Variants in SEMA5A observed in about 807,000 individuals in gnomAD.
SEMA5A encodes the protein semaphorin-5A.
SEMA5A carries 55 observed loss-of-function variants against 135.5 expected under a neutral mutation model. That is an observed-to-expected ratio of 0.41 (90% CI 0.33 to 0.51). The LOEUF (loss-of-function observed/expected upper bound fraction) is 0.51. SEMA5A is among the 20% of genes least tolerant of loss of function. The pLI is 0.37. For missense variants in SEMA5A, 1,290 were observed against 1,419.9 expected (o/e 0.91, Z 1.47); for synonymous variants, 580 against 546.5 (o/e 1.06, Z -0.85).
intron 5 of SEMA5A, among the ~76,000 whole-genome samples, chr5:9,285,444 A>C (rs1192893603): frequency 4.6e-5 from 7 of 152,222 alleles, no homozygotes; most frequent in African/African-American, 1.4e-4. Flanking sequence ...CTTCCTCCCC[A>C]AAGAAACATG....
chr5:9,256,037 C>T (rs1282397337), intron 5 of SEMA5A, among the ~76,000 whole-genome samples: 1 of 152,138 alleles, frequency 6.6e-6, no homozygotes, highest in Non-Finnish European at 1.5e-5. Context: ...TTGACTGGAA[C>T]TAACAAACAA....
intron 16 of SEMA5A, among the ~76,000 whole-genome samples, chr5:9,104,558 G>T (rs1739804564): frequency 1.3e-5 from 2 of 152,174 alleles, no homozygotes; most frequent in Non-Finnish European, 2.9e-5. Context: ...GTTAGACTTG[G>T]CACTGGGCTA....
chr5:9,081,850 T>C (rs983005929), intron 16 of SEMA5A, among the ~76,000 whole-genome samples: 2 of 152,204 alleles, frequency 1.3e-5, no homozygotes, highest in Non-Finnish European at 2.9e-5. Context: ...TGAGTAAGTA[T>C]CTTCTGCTTT....
chr5:9,511,975 C>A (rs1579661681), intron 1 of SEMA5A: 1 of 152,276 alleles, frequency 6.6e-6, no homozygotes, highest in East Asian at 1.9e-4. Flanking sequence ...TTCTTCTTTA[C>A]ACAGATATCT....
intron 18 of SEMA5A, among the ~76,000 whole-genome samples, chr5:9,058,234 G>A (rs1341891875): frequency 6.6e-6 from 1 of 152,112 alleles, no homozygotes; most frequent in Non-Finnish European, 1.5e-5. Flanking sequence ...AACTGCCCTG[G>A]GGGTTGTTCC....
At chr5:9,113,711 A>AT (rs1310491375) in intron 15 of SEMA5A, among the ~76,000 whole-genome samples, 1 of 152,240 alleles carries the variant, frequency 6.6e-6, no homozygotes, top group Non-Finnish European at 1.5e-5. Context: ...GCTCAACAAT[A>AT]TTAGTCACTA....
intron 4 of SEMA5A, 71 bp downstream of exon 4, chr5:9,337,642 T>C: frequency 1.1e-6 from 1 of 946,222 alleles, no homozygotes; most frequent in African/African-American, 1.6e-5. Flanking sequence ...TCAGTGAAGG[T>C]CACATGTAAC....
At chr5:9,212,960 C>T (rs749747231) in intron 8 of SEMA5A, among the ~76,000 whole-genome samples, 1 of 152,208 alleles carries the variant, frequency 6.6e-6, no homozygotes, top group Admixed American at 6.5e-5. Context: ...TTCTCACAGT[C>T]TGGAGGCTGG....
intron 13 of SEMA5A, among the ~76,000 whole-genome samples, chr5:9,125,829 C>CCTA (rs75638156): frequency 0.13 from 20,119 of 151,884 alleles, 1,739 homozygotes; most frequent in Non-Finnish European, 0.19. Flanking sequence ...AGGCAAAGAC[C>CCTA]CTACCATTTG....
chr5:9,098,437 G>A (rs1281475122), intron 16 of SEMA5A, among the ~76,000 whole-genome samples: 1 of 152,124 alleles, frequency 6.6e-6, no homozygotes, highest in Non-Finnish European at 1.5e-5. Context: ...CCCAGTGAGT[G>A]TTCTTTATGG....
At chr5:9,071,429 T>G (rs1737763544) in intron 16 of SEMA5A, among the ~76,000 whole-genome samples, 1 of 152,202 alleles carries the variant, frequency 6.6e-6, no homozygotes, top group South Asian at 2.1e-4. Flanking sequence ...GACTGCAAAT[T>G]TGTCAAAAGC....
intron 3 of SEMA5A, among the ~76,000 whole-genome samples, chr5:9,360,750 C>T (rs1358038045): frequency 6.6e-6 from 1 of 152,194 alleles, no homozygotes; most frequent in African/African-American, 2.4e-5. Flanking sequence ...TTAGTACTTA[C>T]ATTATTCATG....
intron 5 of SEMA5A, among the ~76,000 whole-genome samples, chr5:9,250,568 C>A (rs1360838134): frequency 6.6e-6 from 1 of 152,142 alleles, no homozygotes; most frequent in South Asian, 2.1e-4. Flanking sequence ...CACTTTAGTT[C>A]ATTGGTAATA....
chr5:9,173,724 G>C (rs1257070500), intron 11 of SEMA5A, among the ~76,000 whole-genome samples: 1 of 152,124 alleles, frequency 6.6e-6, no homozygotes, highest in East Asian at 1.9e-4. Flanking sequence ...ATTGCAAGAG[G>C]GCTGGTTAAT....
intron 16 of SEMA5A, among the ~76,000 whole-genome samples, chr5:9,077,736 G>A (rs1738145173): frequency 6.6e-6 from 1 of 152,148 alleles, no homozygotes; most frequent in Admixed American, 6.5e-5. Context: ...GCTCGAAGTG[G>A]GGAGTAACTG....
chr5:9,227,647 T>A (rs907281909), intron 6 of SEMA5A, among the ~76,000 whole-genome samples: 1 of 150,800 alleles, frequency 6.6e-6, no homozygotes, highest in Non-Finnish European at 1.5e-5. Context: ...GCCTCCCAGG[T>A]TCATGCCATT....
chr5:9,350,727 G>A (rs980700968), intron 3 of SEMA5A, among the ~76,000 whole-genome samples: 1 of 152,186 alleles, frequency 6.6e-6, no homozygotes, highest in African/African-American at 2.4e-5. Flanking sequence ...AGAATACAGT[G>A]CTGTCCTTAT....
intron 3 of SEMA5A, among the ~76,000 whole-genome samples, chr5:9,377,600 G>A (rs749815071): frequency 5.9e-5 from 9 of 151,942 alleles, no homozygotes; most frequent in Admixed American, 1.3e-4. Context: ...AAAACAACTA[G>A]GTTTGCATGA....
intron 1 of SEMA5A, chr5:9,520,098 C>T (rs1178696733): frequency 6.6e-6 from 1 of 152,336 alleles, no homozygotes; most frequent in African/African-American, 2.4e-5. Context: ...AGGCCCCTCA[C>T]CTGGCCTAGC....
Sources: allele counts gnomAD v4.1 joint callset (sites outside exome capture counted in the v4.1 genomes callset), GRCh38; gene constraint gnomAD v4.1.1; transcripts MANE v1.5; gene names NCBI Gene and HGNC (gene_info 2026-07-23, HGNC 2026-07-21).